CEP152: variants seen among roughly 807,000 people sequenced by gnomAD.
The protein encoded by CEP152 is centrosomal protein 152.
A neutral mutation model predicts 188.9 loss-of-function variants in CEP152; 132 were observed. The observed-to-expected ratio is 0.70, with a 90% CI of 0.61 to 0.81. The LOEUF is 0.81. CEP152 is among the 30% of genes least tolerant of loss of function. CEP152 has a pLI of 0.00. For missense variants in CEP152, 1,914 were observed against 1,969.8 expected, an observed-to-expected ratio of 0.97 and a Z score of 0.54; for synonymous variants, 649 against 666.6, an observed-to-expected ratio of 0.97 and a Z score of 0.41.
intron 10 of CEP152, 145 bp from the exon 11 acceptor site, chr15:48,782,375 T>C (rs1896312088): frequency 1.4e-6 from 1 of 721,370 alleles, no homozygotes. Context: ...ATAGAGCCCA[T>C]GGGACCCAGA....
intron 17 of CEP152, among the ~76,000 whole-genome samples, chr15:48,764,721 A>G (rs1213865402): frequency 6.6e-6 from 1 of 152,148 alleles, no homozygotes; most frequent in African/African-American, 2.4e-5. Context: ...TCTGTGTGCT[A>G]CTAAAAGCTT....
intron 9 of CEP152, among the ~76,000 whole-genome samples, chr15:48,785,763 A>G (rs1478811303): frequency 1.3e-5 from 2 of 152,290 alleles, no homozygotes; most frequent in East Asian, 3.9e-4. Flanking sequence ...ATCAAAAAAG[A>G]TTGAGTAGCT....
chr15:48,754,947 T>A (rs1894149135), intron 20 of CEP152, among the ~76,000 whole-genome samples: 1 of 152,146 alleles, frequency 6.6e-6, no homozygotes, highest in Non-Finnish European at 1.5e-5. Context: ...TTGAAACTCC[T>A]TAATCACAAT....
At position 48,772,601 on chromosome 15, in the gene CEP152, G is replaced by C; in HGVS notation, c.1668C>G (p.Ser556Arg). ...LKAEVQRLLG[S>R]NSMKRHLVSQ... The stretch of plus-strand genomic sequence containing the variant: ...ACACCAGATGACGCTTCATTGAGTT[G>C]CTACCCAGCAAACGCTGTACTTCTG... Residue 556 changes from serine (S) to arginine (R), a missense_variant, in exon 13 of 27, where the codon AGC becomes AGG. Physicochemically the swap from Ser to Arg is moderately radical, Grantham distance 110. Coordinates refer to ENST00000380950, the MANE Select transcript of CEP152 (RefSeq NM_001194998.2). 1 of 1,613,990 alleles carries C rather than the reference G, an allele frequency of 6.2e-7. No homozygotes were observed. Among genetic ancestry groups the C allele is most frequent in the Non-Finnish European group, 8.5e-7 (1 of 1,179,960 alleles).
downstream of CEP152, among the ~76,000 whole-genome samples, chr15:48,735,659 C>T (rs553214688): frequency 5.3e-5 from 8 of 152,170 alleles, no homozygotes; most frequent in South Asian, 6.2e-4. Context: ...TGCTTGAACC[C>T]GGGAGACGGA....
chr15:48,730,277 C>T (rs958702650), intron 2 of CEP152, among the ~76,000 whole-genome samples: 6 of 152,116 alleles, frequency 3.9e-5, no homozygotes, highest in South Asian at 2.1e-4. Flanking sequence ...AGCCCATGCC[C>T]AGTAGTAGGG....
intron 19 of CEP152, 21 bp downstream of exon 19, chr15:48,760,114 T>C (rs754036769): frequency 6.2e-7 from 1 of 1,613,774 alleles, no homozygotes; most frequent in Non-Finnish European, 8.5e-7. Context: ...TCCTGAAGTG[T>C]CTTTGCAGAA....
rs781454824 is a variant in CEP152 at position 48,788,793 on chromosome 15, A to T, written c.1173+8T>A. 1 of 1,613,558 alleles carries T rather than the reference A, an allele frequency of 6.2e-7. No homozygotes were observed. The highest frequency in any genetic ancestry group is 8.5e-7 in the Non-Finnish European group (1 of 1,179,428). On this transcript the variant is annotated splice_region_variant and intron_variant, in intron 9 of 26. Transcript: ENST00000380950. ...TGATAACAGTTGCTCATTTGAAATC[A>T]TCCCAACCTGTTCTTTAAGTGCGGT... is the stretch of plus-strand genomic sequence containing the variant.
intron 20 of CEP152, 133 bp downstream of exon 20, chr15:48,755,770 T>A (rs1262610711): frequency 6.6e-7 from 1 of 1,518,698 alleles, no homozygotes; most frequent in Non-Finnish European, 8.8e-7. Flanking sequence ...CTACAGAAAC[T>A]TTTTTAAACC....
chr15:48,787,816 T>C (rs1046172090), intron 9 of CEP152, among the ~76,000 whole-genome samples: 3 of 152,210 alleles, frequency 2.0e-5, no homozygotes, highest in Non-Finnish European at 4.4e-5. Flanking sequence ...TGAAATGTTA[T>C]TCACTCAAGT....
At chr15:48,744,028 T>C (rs544358535) in intron 24 of CEP152, among the ~76,000 whole-genome samples, 2 of 152,296 alleles carry the variant, frequency 1.3e-5, no homozygotes, top group South Asian at 4.2e-4. Context: ...CATAAGACGA[T>C]TCTCACATCA....
At chr15:48,761,800 T>A (rs1454663347) in intron 18 of CEP152, among the ~76,000 whole-genome samples, 2 of 152,224 alleles carry the variant, frequency 1.3e-5, no homozygotes, top group African/African-American at 2.4e-5. Context: ...ATCTTTATTC[T>A]GTCACAATAG....
rs749380374 is a variant in CEP152 at position 48,772,614 on chromosome 15, C to T, written c.1655G>A (p.Arg552His). 1.1e-5 allele frequency: 18 copies of T among 1,613,942 alleles called. No homozygotes were observed. The highest frequency in any genetic ancestry group is 4.0e-5 in the African/African-American group (3 of 74,896). ...FILKLKAEVQ[R>H]LLGSNSMKRH... ...CTTCATTGAGTTGCTACCCAGCAAACGCTGTACTTCTGCCTTTAACTTCAG... is the reference window on the plus strand; with the variant it reads ...CTTCATTGAGTTGCTACCCAGCAAATGCTGTACTTCTGCCTTTAACTTCAG... The change falls in exon 13 of 27, where the codon CGT becomes CAT. Residue 552 changes from arginine (R) to histidine (H), a missense_variant. Arg to His is a conservative substitution (Grantham distance 29). Transcript: ENST00000380950.
chr15:48,772,708 G>A lies in CEP152; in HGVS notation c.1578-17C>T. ...TGTACAATGCTAATGGAGAAATTGT[G>A]ATTTTTAACATTAAATCAAGTAATA... On this transcript the variant is annotated splice_polypyrimidine_tract_variant and intron_variant, in intron 12 of 26. Transcript: ENST00000380950. 1 of 1,598,564 alleles carries A rather than the reference G, an allele frequency of 6.3e-7. No homozygotes were observed.
intron 12 of CEP152, among the ~76,000 whole-genome samples, chr15:48,775,197 G>A (rs1178998633): frequency 7.9e-5 from 12 of 151,754 alleles, no homozygotes; most frequent in Admixed American, 7.2e-4. Flanking sequence ...AGACCCAAAA[G>A]GAGAGAACAA....
chr15:48,753,547 G>C (rs758477554), intron 20 of CEP152, among the ~76,000 whole-genome samples: 6 of 152,168 alleles, frequency 3.9e-5, no homozygotes, highest in Non-Finnish European at 8.8e-5. Flanking sequence ...AGCAATTATA[G>C]AGAAGAGGCA....
Position 48,791,360 on chromosome 15 carries a change from C to A in CEP152, c.849G>T (p.Leu283Phe). Residue 283 changes from leucine (L) to phenylalanine (F), a missense_variant, in exon 8 of 27, where the codon TTG becomes TTT. Transcript: ENST00000380950. ...TCTGTGATTCTCGAAGGCTGAGAGT[C>A]AAACCATCCTTTTCATCTACGGTAT... ...LVIIKDEKDG[L>F]TLSLRESQKL... The A allele has an allele frequency of 6.2e-7, 1 of 1,612,112 alleles. No individual in the cohort carries two copies. Among genetic ancestry groups the A allele is most frequent in the South Asian group, 1.1e-5 (1 of 91,022 alleles).
In CEP152 at chr15:48,767,366, C is replaced by T. The variant is rs1440569461; in HGVS notation, c.2116G>A (p.Glu706Lys). 1 of 1,614,192 alleles carries T rather than the reference C, an allele frequency of 6.2e-7. No individual in the cohort carries two copies. The highest frequency in any genetic ancestry group is 1.3e-5 in the African/African-American group (1 of 75,054). ...TGCAAATGAGTTCTCTCATAAGCCTCAAAGAGCTGCTGCTTCTCCAAAGCA... is the reference window on the plus strand; with the variant it reads ...TGCAAATGAGTTCTCTCATAAGCCTTAAAGAGCTGCTGCTTCTCCAAAGCA... ...KHALEKQQLF[E>K]AYERTHLQLR... The change falls in exon 16 of 27, where the codon GAG becomes AAG. Residue 706 changes from glutamate to lysine, a missense_variant. Transcript: ENST00000380950.
At position 48,796,135 on chromosome 15, in the gene CEP152, G is replaced by A. The variant is rs201999798; in HGVS notation, c.566C>T (p.Pro189Leu). Residue 189 changes from proline to leucine, a missense_variant, in exon 6 of 27, where the codon CCG becomes CTG. Transcript: ENST00000380950. Reference sequence around the variant, plus strand: ...AGGTTTATATGTCACTTTATTATACGGTTCCAAACCTTGACAACTGGGACC... The same window carrying A: ...AGGTTTATATGTCACTTTATTATACAGTTCCAAACCTTGACAACTGGGACC... ...FQGPSCQGLEPYNKVTYKPYQ... is the reference protein window; with the variant it reads ...FQGPSCQGLELYNKVTYKPYQ... 4.3e-6 allele frequency: 7 copies of A among 1,613,452 alleles called. No individual in the cohort carries two copies. Among genetic ancestry groups the A allele is most frequent in the African/African-American group, 1.3e-5 (1 of 74,840 alleles).
Sources: gnomAD v4.1 joint callset for allele counts (sites outside exome capture counted in the v4.1 genomes callset) on GRCh38, gnomAD v4.1.1 for gene constraint, MANE v1.5 for transcripts, NCBI Gene and HGNC (gene_info 2026-07-23, HGNC 2026-07-21) for gene names.